PIP4K2A: variants seen among roughly 807,000 people sequenced by gnomAD.
PIP4K2A encodes the protein phosphatidylinositol 5-phosphate 4-kinase type-2 alpha.
In PIP4K2A, 14 loss-of-function variants were observed where a neutral mutation model predicts 42.9. The ratio of observed to expected loss-of-function variants is 0.33; its 90% CI spans 0.22 to 0.51. PIP4K2A has a LOEUF of 0.51. PIP4K2A is among the 20% of genes least tolerant of loss of function. The pLI is 0.97. For missense variants in PIP4K2A, 434 were observed against 519.8 expected (o/e 0.83, Z 1.61); for synonymous variants, 192 against 192.2 (o/e 1.00, Z 0.01).
At chr10:22,602,893 C>G (rs544594322) in intron 3 of PIP4K2A, among the ~76,000 whole-genome samples, 3 of 152,056 alleles carry the variant, frequency 2.0e-5, no homozygotes, top group Non-Finnish European at 4.4e-5. Flanking sequence ...TTGTGCTCAA[C>G]GGGTGACAGG....
At chr10:22,671,180 A>G (rs1839441012) in intron 1 of PIP4K2A, among the ~76,000 whole-genome samples, 3 of 152,220 alleles carry the variant, frequency 2.0e-5, no homozygotes, top group Admixed American at 6.5e-5. Context: ...TTATATATAC[A>G]CACACATATA....
At chr10:22,601,140 AAAAAAAAAAAAAAAAAAAAAAAAC>A (rs1309724022) in intron 3 of PIP4K2A, among the ~76,000 whole-genome samples, 15 of 123,844 alleles carry the variant, frequency 1.2e-4, no homozygotes, top group East Asian at 1.1e-3. Context: ...CAAAAAAAAA[AAAAAAAAAAAAAAAAAAAAAAAAC>A]AAACCAGGAA....
intron 1 of PIP4K2A, among the ~76,000 whole-genome samples, chr10:22,706,483 C>G (rs1833825195): frequency 6.6e-6 from 1 of 152,218 alleles, no homozygotes; most frequent in South Asian, 2.1e-4. Context: ...TGTCTAAGCC[C>G]TTCACCGACG....
intron 5 of PIP4K2A, among the ~76,000 whole-genome samples, chr10:22,568,359 T>A (rs1302737557): frequency 1.3e-5 from 2 of 151,976 alleles, no homozygotes; most frequent in East Asian, 3.9e-4. Flanking sequence ...TGTGGGCACA[T>A]CCTCACCTGC....
In PIP4K2A at chr10:22,573,928, T is replaced by C. The variant is rs543418572; in HGVS notation, c.493-471A>G. Among the ~76,000 whole-genome samples, 13 of 152,338 alleles carry C rather than the reference T, an allele frequency of 8.5e-5. No individual in the cohort carries two copies. The East Asian group carries it at 2.5e-3, about 29-fold the overall frequency. ...TTGTGGGGAGCCCAGTGTTAGAAGCTGGGAGGGCAGAGCTAAGCTTCTCAA... is the reference window on the plus strand; with the variant it reads ...TTGTGGGGAGCCCAGTGTTAGAAGCCGGGAGGGCAGAGCTAAGCTTCTCAA... On this transcript the variant is annotated intron_variant, in intron 4 of 9. Coordinates refer to ENST00000376573, the MANE Select transcript of PIP4K2A (RefSeq NM_005028.5).
rs187856328 is a variant in PIP4K2A, at chr10:22,666,485, A to C, written c.144+47698T>G. 1.9e-3 allele frequency among the ~76,000 whole-genome samples: 296 copies of C among 152,320 alleles called. 1 individual carries two copies. The highest frequency in any genetic ancestry group is 3.6e-3 in the Non-Finnish European group (245 of 68,022). ...CATTAATTTAGGAAGCCTGTTTTGA[A>C]AAATTATCGATCCCAAAAGATATTA... On this transcript the variant is annotated intron_variant, in intron 1 of 9. Transcript: ENST00000376573.
At chr10:22,696,086 T>C (rs1248721824) in intron 1 of PIP4K2A, among the ~76,000 whole-genome samples, 1 of 152,186 alleles carries the variant, frequency 6.6e-6, no homozygotes, top group African/African-American at 2.4e-5. Flanking sequence ...AGGGACATAA[T>C]ATTTTAAAAC....
chr10:22,646,715 G>A (rs908309130), intron 1 of PIP4K2A, among the ~76,000 whole-genome samples: 2 of 152,186 alleles, frequency 1.3e-5, no homozygotes, highest in Admixed American at 6.5e-5. Context: ...AAGCCAAAGT[G>A]GGCCCCAGGA....
intron 1 of PIP4K2A, among the ~76,000 whole-genome samples, chr10:22,662,372 T>C (rs1366641232): frequency 6.6e-6 from 1 of 152,232 alleles, no homozygotes; most frequent in Non-Finnish European, 1.5e-5. Flanking sequence ...GAGTTTTCTC[T>C]CTGGTTTGGG....
chr10:22,709,946 T>C (rs953582893), intron 1 of PIP4K2A, among the ~76,000 whole-genome samples: 1 of 152,092 alleles, frequency 6.6e-6, no homozygotes, highest in Non-Finnish European at 1.5e-5. Context: ...TAATTTTAAT[T>C]TTAATGTAAT....
At chr10:22,693,366 C>T (rs567088442) in intron 1 of PIP4K2A, among the ~76,000 whole-genome samples, 1 of 152,022 alleles carries the variant, frequency 6.6e-6, no homozygotes, top group East Asian at 1.9e-4. Context: ...GAGAGTAATA[C>T]ATACAAGGAT....
At chr10:22,620,737 T>C (rs1403102862) in intron 1 of PIP4K2A, among the ~76,000 whole-genome samples, 1 of 152,192 alleles carries the variant, frequency 6.6e-6, no homozygotes, top group African/African-American at 2.4e-5. Flanking sequence ...TTCCTGCCAC[T>C]CCCTGGAGTC....
intron 7 of PIP4K2A, among the ~76,000 whole-genome samples, chr10:22,543,593 G>C (rs1836183442): frequency 6.6e-6 from 1 of 152,176 alleles, no homozygotes; most frequent in African/African-American, 2.4e-5. Context: ...CATGAGAACT[G>C]ACTTTCCACT....
chr10:22,606,222 G>T (rs547394627), intron 3 of PIP4K2A, among the ~76,000 whole-genome samples: 68 of 152,142 alleles, frequency 4.5e-4, no homozygotes, highest in African/African-American at 1.6e-3. Flanking sequence ...GAGGTCGGAG[G>T]ATCACTTGAG....
intron 1 of PIP4K2A, among the ~76,000 whole-genome samples, chr10:22,609,938 C>T (rs943273942): frequency 3.3e-5 from 5 of 152,084 alleles, no homozygotes; most frequent in Non-Finnish European, 5.9e-5. Flanking sequence ...GGCCACCGGA[C>T]GGCAGTGGTG....
intron 1 of PIP4K2A, among the ~76,000 whole-genome samples, chr10:22,713,500 A>T (rs1833953372): frequency 6.6e-6 from 1 of 152,168 alleles, no homozygotes; most frequent in Non-Finnish European, 1.5e-5. Flanking sequence ...CAGCCCGCAC[A>T]GCGGCAGGGC....
At chr10:22,600,348 C>T (rs1837732081) in intron 3 of PIP4K2A, among the ~76,000 whole-genome samples, 1 of 152,100 alleles carries the variant, frequency 6.6e-6, no homozygotes, top group African/African-American at 2.4e-5. Flanking sequence ...CATGCCAATA[C>T]CGTGCAGAAC....
At chr10:22,639,582 T>C (rs1838736025) in intron 1 of PIP4K2A, among the ~76,000 whole-genome samples, 1 of 152,048 alleles carries the variant, frequency 6.6e-6, no homozygotes, top group Non-Finnish European at 1.5e-5. Context: ...GTGTGCACAA[T>C]TCGCGGAATA....
At chr10:22,601,164 C>CAAAAA (rs1226127427) in intron 3 of PIP4K2A, among the ~76,000 whole-genome samples, 1 of 57,662 alleles carries the variant, frequency 1.7e-5, no homozygotes, top group Non-Finnish European at 3.6e-5. Context: ...AAAAAAAAAA[C>CAAAAA]AAACCAGGAA....
Sources: gnomAD v4.1 joint callset for allele counts (sites outside exome capture counted in the v4.1 genomes callset) on GRCh38, gnomAD v4.1.1 for gene constraint, MANE v1.5 for transcripts, NCBI Gene and HGNC (gene_info 2026-07-23, HGNC 2026-07-21) for gene names.